PLAC1: variants seen among roughly 807,000 people sequenced by gnomAD.
PLAC1 encodes placenta associated 1.
For synonymous variants in PLAC1, 68 were observed against 62.1 expected (o/e 1.09, Z -0.44); for missense variants, 136 against 163.2 (o/e 0.83, Z 0.91).
chrX:134,662,376 T>C (rs1361375273), upstream of PLAC1, among the ~76,000 whole-genome samples: 1 of 112,973 alleles, frequency 8.9e-6, no homozygotes, highest in Non-Finnish European at 1.9e-5. Flanking sequence ...TACTATATAA[T>C]GTTCTGCCAC....
intron 1 of PLAC1, among the ~76,000 whole-genome samples, chrX:134,605,330 T>C (rs2078117278): frequency 8.9e-6 from 1 of 111,913 alleles, no homozygotes; most frequent in African/African-American, 3.3e-5. Flanking sequence ...ACCCAGTCAC[T>C]GCCCACTTGG....
intron 1 of PLAC1, among the ~76,000 whole-genome samples, chrX:134,625,047 T>G (rs1286286660): frequency 8.9e-6 from 1 of 111,770 alleles, no homozygotes; most frequent in African/African-American, 3.3e-5. Context: ...TGGGGCATGA[T>G]CTATTACAGC....
At chrX:134,575,160 C>T (rs927501138) in intron 2 of PLAC1, among the ~76,000 whole-genome samples, 2 of 110,672 alleles carry the variant, frequency 1.8e-5, no homozygotes, top group African/African-American at 3.3e-5. Flanking sequence ...GCTAACTTCA[C>T]GTCAGTTTGA....
intron 2 of PLAC1, among the ~76,000 whole-genome samples, chrX:134,598,230 G>A (rs922070937): frequency 1.6e-4 from 18 of 111,760 alleles, no homozygotes; most frequent in South Asian, 1.5e-3. Flanking sequence ...TGAATGAGTG[G>A]ATCATACTCG....
At chrX:134,592,735 T>G (rs1338347776) in intron 2 of PLAC1, among the ~76,000 whole-genome samples, 1 of 98,915 alleles carries the variant, frequency 1.0e-5, no homozygotes, top group Non-Finnish European at 2.1e-5. Context: ...TTTTTTTTTT[T>G]TTTTTTGAGA....
intron 1 of PLAC1, among the ~76,000 whole-genome samples, chrX:134,643,927 AAG>A (rs2078318663): frequency 1.3e-5 from 1 of 76,924 alleles, no homozygotes; most frequent in African/African-American, 4.4e-5. Flanking sequence ...TTATCTGTAA[AAG>A]AGGAATAATA....
intron 1 of PLAC1, among the ~76,000 whole-genome samples, chrX:134,758,875 C>T (rs1228893402): frequency 2.7e-5 from 3 of 111,797 alleles, no homozygotes; most frequent in Non-Finnish European, 5.6e-5. Context: ...GTAAACTATT[C>T]ATCTAATGGG....
chrX:134,665,213 C>G (rs1347291499), intron 2 of PLAC1, among the ~76,000 whole-genome samples: 4 of 111,092 alleles, frequency 3.6e-5, no homozygotes, highest in African/African-American at 1.3e-4. Flanking sequence ...AGAAGGTTCC[C>G]TCATGCCCCT....
intron 2 of PLAC1, among the ~76,000 whole-genome samples, chrX:134,686,741 G>A (rs191035280): frequency 6.3e-5 from 7 of 111,606 alleles, no homozygotes; most frequent in East Asian, 5.7e-4. Context: ...CAGGGCCAGC[G>A]CCGAGGCTTG....
intron 1 of PLAC1, chrX:134,605,565 T>G (rs2124391284): frequency 8.9e-6 from 1 of 112,801 alleles, no homozygotes; most frequent in South Asian, 3.7e-4. Flanking sequence ...TTTCTGTGAT[T>G]TATCCATTTG....
intron 1 of PLAC1, among the ~76,000 whole-genome samples, chrX:134,623,649 G>A (rs189920388): frequency 9.0e-6 from 1 of 111,513 alleles, no homozygotes; most frequent in African/African-American, 3.3e-5. Flanking sequence ...CTTCTGAGTG[G>A]GGCCAGCTGC....
At chrX:134,629,968 CTTTTTTTTTT>C (rs368081621) in intron 1 of PLAC1, among the ~76,000 whole-genome samples, 1 of 89,908 alleles carries the variant, frequency 1.1e-5, no homozygotes, top group African/African-American at 4.2e-5. Context: ...CTCTTCTTCC[CTTTTTTTTTT>C]TTTTTTTTTT....
intron 1 of PLAC1, among the ~76,000 whole-genome samples, chrX:134,735,974 A>AAAAG (rs1194237240): frequency 9.2e-6 from 1 of 109,229 alleles, no homozygotes; most frequent in African/African-American, 3.3e-5. Context: ...AAAAAAAAAA[A>AAAAG]AAGAAGAAGA....
chrX:134,578,515 C>CTTTTTTTTTTTTTT (rs766626696), intron 2 of PLAC1, among the ~76,000 whole-genome samples: 4 of 55,974 alleles, frequency 7.1e-5, no homozygotes, highest in African/African-American at 1.4e-4. Flanking sequence ...TTCTTTCTTT[C>CTTTTTTTTTTTTTT]TTTTTTTTTT....
chrX:134,675,595 G>A (rs1468302054), intron 2 of PLAC1, among the ~76,000 whole-genome samples: 3 of 110,421 alleles, frequency 2.7e-5, no homozygotes, highest in African/African-American at 9.9e-5. Flanking sequence ...AATCCAGGAG[G>A]CAGAGTTTGT....
intron 2 of PLAC1, among the ~76,000 whole-genome samples, chrX:134,568,775 G>T (rs1467477906): frequency 9.0e-6 from 1 of 111,455 alleles, no homozygotes; most frequent in Non-Finnish European, 1.9e-5. Flanking sequence ...GCTGGTCCTG[G>T]ATGACTCAAC....
intron 1 of PLAC1, among the ~76,000 whole-genome samples, chrX:134,606,923 G>A (rs1298327703): frequency 8.9e-6 from 1 of 111,913 alleles, no homozygotes; most frequent in Non-Finnish European, 1.9e-5. Context: ...TGCCTATTGT[G>A]TACAATGTTC....
chrX:134,585,194 A>AAAAAAAAAC (rs2077993904), intron 2 of PLAC1, among the ~76,000 whole-genome samples: 1 of 102,240 alleles, frequency 9.8e-6, no homozygotes, highest in African/African-American at 3.5e-5. Context: ...AAAAAAAAAA[A>AAAAAAAAAC]AAAAAGCCGG....
At chrX:134,745,275 C>A (rs186776450) in intron 1 of PLAC1, among the ~76,000 whole-genome samples, 1 of 111,737 alleles carries the variant, frequency 8.9e-6, no homozygotes, top group Admixed American at 9.5e-5. Context: ...CAGAAACCCA[C>A]TGCAAACTTT....
Sources: gnomAD v4.1 joint callset for allele counts (sites outside exome capture counted in the v4.1 genomes callset) on GRCh38, gnomAD v4.1.1 for gene constraint, MANE v1.5 for transcripts, NCBI Gene and HGNC (gene_info 2026-07-23, HGNC 2026-07-21) for gene names.